PPP1R14C: variants seen among roughly 807,000 people sequenced by gnomAD.
PPP1R14C encodes the protein protein phosphatase 1 regulatory inhibitor subunit 14C.
PPP1R14C carries 16 observed loss-of-function variants against 20.4 expected under a neutral mutation model. The ratio of observed to expected loss-of-function variants is 0.78; its 90% CI spans 0.53 to 1.19. The LOEUF is 1.19. Ranked by LOEUF, PPP1R14C falls within the 50% of genes most tolerant of loss-of-function variation. The pLI, the probability that PPP1R14C is intolerant of heterozygous loss-of-function variation, is 0.00. For missense variants in PPP1R14C, 211 were observed against 220.1 expected, an observed-to-expected ratio of 0.96 and a Z score of 0.26; for synonymous variants, 91 against 91.0, an observed-to-expected ratio of 1.00 and a Z score of 0.00.
At chr6:150,224,516 C>T (rs367943984) in intron 3 of PPP1R14C, among the ~76,000 whole-genome samples, 1 of 152,164 alleles carries the variant, frequency 6.6e-6, no homozygotes, top group Non-Finnish European at 1.5e-5. Context: ...GTCGAGATAT[C>T]CTCAAGCTTA....
chr6:150,157,997 G>A (rs1562257386), intron 1 of PPP1R14C, among the ~76,000 whole-genome samples: 1 of 152,178 alleles, frequency 6.6e-6, no homozygotes. Context: ...CCACCTTCCT[G>A]GGCTGGGGGA....
At chr6:150,163,757 G>GT (rs1171129946) in intron 1 of PPP1R14C, among the ~76,000 whole-genome samples, 4 of 152,076 alleles carry the variant, frequency 2.6e-5, no homozygotes, top group South Asian at 2.1e-4. Context: ...CACCACAGTT[G>GT]TTTTTTTATC....
At chr6:150,196,481 G>A (rs149358825) in intron 1 of PPP1R14C, among the ~76,000 whole-genome samples, 143 of 150,320 alleles carry the variant, frequency 9.5e-4, no homozygotes, top group African/African-American at 3.3e-3. Context: ...CTCTAAGGTT[G>A]TTTTGAGTAT....
intron 1 of PPP1R14C, among the ~76,000 whole-genome samples, chr6:150,153,288 T>C (rs1431136948): frequency 1.3e-5 from 2 of 152,262 alleles, no homozygotes; most frequent in Non-Finnish European, 2.9e-5. Flanking sequence ...GAAAACCTGC[T>C]CTTTCACTGT....
chr6:150,235,718 C>T (rs1014063527), intron 3 of PPP1R14C, among the ~76,000 whole-genome samples: 1 of 152,002 alleles, frequency 6.6e-6, no homozygotes, highest in Non-Finnish European at 1.5e-5. Context: ...TTTTTCCCTG[C>T]TTTGCCTCCT....
At chr6:150,151,610 G>T (rs1318952032) in intron 1 of PPP1R14C, among the ~76,000 whole-genome samples, 1 of 152,178 alleles carries the variant, frequency 6.6e-6, no homozygotes, top group African/African-American at 2.4e-5. Context: ...GACTAACCCA[G>T]CTCTCAGGTG....
At chr6:150,157,878 A>G (rs1777321765) in intron 1 of PPP1R14C, among the ~76,000 whole-genome samples, 1 of 152,186 alleles carries the variant, frequency 6.6e-6, no homozygotes, top group Admixed American at 6.5e-5. Context: ...TCCACCTCTT[A>G]AAGTTTCCAC....
chr6:150,186,401 C>T (rs1231028538), intron 1 of PPP1R14C, among the ~76,000 whole-genome samples: 2 of 152,118 alleles, frequency 1.3e-5, no homozygotes, highest in African/African-American at 4.8e-5. Context: ...CCTCAGCAAA[C>T]TCAGTTATTC....
chr6:150,250,208 G>A lies in PPP1R14C; in HGVS notation c.*1388G>A, dbSNP rs576022674. 1 of 152,602 alleles carries A rather than the reference G, an allele frequency of 6.6e-6. No individual in the cohort carries two copies. Among genetic ancestry groups the A allele is most frequent in the Non-Finnish European group, 1.5e-5 (1 of 68,034 alleles). 9.5% of individuals were successfully genotyped at this position (152,602 alleles called of 1,614,324 possible). A position where few individuals can be genotyped will look rare whatever the true frequency, so the allele number is the denominator to read the frequency against. On this transcript the variant is annotated 3_prime_UTR_variant, in exon 4 of 4. Transcript: ENST00000361131. ...ATGGGGGTCAGGCATTTTATATCAA[G>A]GGTGCTCTGAACATATTTTATTTTT...
chr6:150,172,581 T>G (rs575793263), intron 1 of PPP1R14C, among the ~76,000 whole-genome samples: 1 of 152,174 alleles, frequency 6.6e-6, no homozygotes, highest in Non-Finnish European at 1.5e-5. Flanking sequence ...TATTGAGAGC[T>G]GATGTTAGGC....
rs1554280446 is a variant in PPP1R14C at position 150,149,443 on chromosome 6, ATTTTTTTTTTTCTTTTTT to A, written c.306+5957_306+5974del. Among the ~76,000 whole-genome samples the A allele has an allele frequency of 5.5e-4, 66 of 119,940 alleles. 3 individuals are homozygous for A. The highest frequency in any genetic ancestry group is 1.8e-3 in the Admixed American group (21 of 11,462). 78.7% of individuals were successfully genotyped at this position (119,940 alleles called of 152,430 possible). ...CAGGCTCAAGTGATCCTCCCACCTA[ATTTTTTTTTTTCTTTTTT>A]TTTTTTTTTTTTTTTTTGTGGAGAC... is the stretch of plus-strand genomic sequence containing the variant. On this transcript the variant is annotated intron_variant, in intron 1 of 3. Coordinates refer to ENST00000361131, the MANE Select transcript of PPP1R14C (RefSeq NM_030949.3).
At chr6:150,147,232 T>G (rs896702941) in intron 1 of PPP1R14C, among the ~76,000 whole-genome samples, 1 of 151,572 alleles carries the variant, frequency 6.6e-6, no homozygotes, top group African/African-American at 2.4e-5. Context: ...TAGGCTAGAG[T>G]GCAGTGGCGC....
chr6:150,215,305 A>G (rs965689554), intron 2 of PPP1R14C, among the ~76,000 whole-genome samples: 18 of 152,248 alleles, frequency 1.2e-4, no homozygotes, highest in Non-Finnish European at 1.9e-4. Flanking sequence ...GACAGTGCTC[A>G]CCTCATAGCA....
At chr6:150,243,657 C>G (rs751082276) in intron 3 of PPP1R14C, among the ~76,000 whole-genome samples, 2 of 152,154 alleles carry the variant, frequency 1.3e-5, no homozygotes, top group Non-Finnish European at 2.9e-5. Flanking sequence ...GTGATTCAGC[C>G]ATTCCACTCA....
intron 1 of PPP1R14C, among the ~76,000 whole-genome samples, chr6:150,209,163 C>T (rs1001558664): frequency 6.6e-6 from 1 of 152,150 alleles, no homozygotes; most frequent in Non-Finnish European, 1.5e-5. Flanking sequence ...TCCCGTGTTA[C>T]GTTGCCATCC....
rs933101667 is a variant in PPP1R14C at position 150,143,921 on chromosome 6, C to A, written c.306+423C>A. ...CGCTCACTGCTGGGATCCGGGCAGCCCTGATTTTTGTGGAGAACGAGCAGG... is the reference window on the plus strand; with the variant it reads ...CGCTCACTGCTGGGATCCGGGCAGCACTGATTTTTGTGGAGAACGAGCAGG... On this transcript the variant is annotated intron_variant, in intron 1 of 3. Coordinates refer to ENST00000361131, the MANE Select transcript of PPP1R14C (RefSeq NM_030949.3). This position sits in a 1 kb window ranked among gnomAD's most constrained non-coding sequence, Gnocchi z 5.6. Among the ~76,000 whole-genome samples the A allele has an allele frequency of 3.3e-5, 5 of 152,160 alleles. No homozygotes were observed. The highest frequency in any genetic ancestry group is 1.2e-4 in the African/African-American group (5 of 41,450).
intron 1 of PPP1R14C, among the ~76,000 whole-genome samples, chr6:150,192,493 G>A (rs376178194): frequency 1.5e-4 from 23 of 152,122 alleles, no homozygotes; most frequent in Non-Finnish European, 2.6e-4. Flanking sequence ...GGGCTCAGGC[G>A]GTAATGCTTT....
At chr6:150,224,067 G>A (rs1005155472) in intron 3 of PPP1R14C, among the ~76,000 whole-genome samples, 12 of 152,252 alleles carry the variant, frequency 7.9e-5, no homozygotes, top group South Asian at 6.2e-4. Flanking sequence ...TTTTTTGCAC[G>A]TGGATTTCCA....
At chr6:150,174,392 A>AT (rs1425347437) in intron 1 of PPP1R14C, among the ~76,000 whole-genome samples, 16 of 150,906 alleles carry the variant, frequency 1.1e-4, no homozygotes, top group East Asian at 4.2e-4. Flanking sequence ...GGTAATCTGT[A>AT]TTTTTAGTAG....
Sources: gnomAD v4.1 joint callset for allele counts (sites outside exome capture counted in the v4.1 genomes callset) on GRCh38, gnomAD v4.1.1 for gene constraint, Gnocchi (gnomAD v3.1) non-coding constraint, MANE v1.5 for transcripts, NCBI Gene and HGNC (gene_info 2026-07-23, HGNC 2026-07-21) for gene names.